The following MBD2 variants were observed in gnomAD, a reference collection of about 807,000 sequenced individuals.
The protein encoded by MBD2 is methyl-CpG binding domain protein 2, also known as methyl-CpG-binding domain protein 2.
MBD2 carries 9 observed loss-of-function variants against 39.3 expected under a neutral mutation model. That is an observed-to-expected ratio of 0.23 (90% CI 0.14 to 0.40). MBD2 has a LOEUF of 0.40. Ranked by LOEUF, MBD2 falls within the 10% of genes least tolerant of loss-of-function variation. The pLI, the probability that MBD2 is intolerant of heterozygous loss-of-function variation, is 1.00. For synonymous variants in MBD2, 233 were observed against 211.1 expected (o/e 1.10, Z -0.90); for missense variants, 458 against 532.6 (o/e 0.86, Z 1.38).
At chr18:54,212,867 A>T (rs1006808363) in intron 1 of MBD2, among the ~76,000 whole-genome samples, 2 of 4,538 alleles carry the variant, frequency 4.4e-4, no homozygotes, top group Non-Finnish European at 6.6e-4. Flanking sequence ...CAGTCTCTAC[A>T]AAAAAAACAC....
At chr18:54,218,567 T>C (rs948467907) in intron 1 of MBD2, among the ~76,000 whole-genome samples, 2 of 152,198 alleles carry the variant, frequency 1.3e-5, no homozygotes, top group Non-Finnish European at 2.9e-5. Flanking sequence ...GGTTGTATCT[T>C]TGCACTTACT....
intron 3 of MBD2, among the ~76,000 whole-genome samples, chr18:54,170,745 T>C (rs584330): frequency 0.84 from 128,203 of 152,152 alleles, 54,524 homozygotes; most frequent in East Asian, 1. Context: ...CAAGGCCGAC[T>C]GCAATAATGA....
Position 54,211,388 on chromosome 18 carries a change from TAC to T in MBD2, c.543-6233_543-6232del, listed in dbSNP as rs113321648. Among the ~76,000 whole-genome samples the T allele has an allele frequency of 7.0e-3, 1,040 of 148,146 alleles. 13 individuals are homozygous for T. The highest frequency in any genetic ancestry group is 0.02 in the African/African-American group (815 of 40,108). The stretch of plus-strand genomic sequence containing the variant: ...ATTAAAAGAATGTATATTATTGCTA[TAC>T]ACACACACACACACACACACACACG... On this transcript the variant is annotated intron_variant, in intron 1 of 6. Transcript: ENST00000256429.
intron 2 of MBD2, among the ~76,000 whole-genome samples, chr18:54,201,593 T>G (rs1019295712): frequency 3.3e-5 from 5 of 152,144 alleles, no homozygotes; most frequent in African/African-American, 1.2e-4. Context: ...CCGGGCACGG[T>G]GGCTCACACC....
chr18:54,158,677 A>G (rs940597480), intron 6 of MBD2, among the ~76,000 whole-genome samples: 1 of 152,170 alleles, frequency 6.6e-6, no homozygotes, highest in Non-Finnish European at 1.5e-5. Context: ...GCTGGAGTGT[A>G]GTGGCACAAT....
At chr18:54,223,995 C>T (rs202031232) in intron 1 of MBD2, 23 bp downstream of exon 1, 4 of 1,571,228 alleles carry the variant, frequency 2.5e-6, no homozygotes, top group Non-Finnish European at 3.5e-6. Context: ...CCCGCCACCC[C>T]CTCCCCGCCC....
Position 54,159,778 on chromosome 18 carries a change from T to C in MBD2, c.1235A>G (p.Ter412=), listed in dbSNP as rs1482467640. 7 of 1,609,584 alleles carry C rather than the reference T, an allele frequency of 4.3e-6. No homozygotes were observed. Among genetic ancestry groups the C allele is most frequent in the Non-Finnish European group, 5.9e-6 (7 of 1,179,958 alleles). ...DIEMDSGDEA[*] is the part of the protein sequence containing the mutation. The stretch of plus-strand genomic sequence containing the variant: ...GTGTCAGTTTACCTGATCATATTCT[T>C]AGGCTTCATCTCCACTGTCCATTTC... The change falls in exon 6 of 7, where the codon TAA becomes TGA. Residue 412 remains the stop codon, a stop_retained_variant. Coordinates refer to ENST00000256429, the MANE Select transcript of MBD2 (RefSeq NM_003927.5).
At chr18:54,193,964 A>T (rs1483083317) in intron 2 of MBD2, among the ~76,000 whole-genome samples, 1 of 152,180 alleles carries the variant, frequency 6.6e-6, no homozygotes, top group South Asian at 2.1e-4. Flanking sequence ...AGGACAACTC[A>T]GTAAAGGTGA....
intron 3 of MBD2, among the ~76,000 whole-genome samples, chr18:54,166,832 C>G (rs9951912): frequency 6.6e-6 from 1 of 152,068 alleles, no homozygotes; most frequent in East Asian, 1.9e-4. Flanking sequence ...CTCCTCGTGC[C>G]CTAGGGGCTA....
At chr18:54,215,700 T>C (rs1315865419) in intron 1 of MBD2, among the ~76,000 whole-genome samples, 1 of 152,016 alleles carries the variant, frequency 6.6e-6, no homozygotes, top group Non-Finnish European at 1.5e-5. Flanking sequence ...TTCACCATGT[T>C]GGTCAGGCTG....
rs930067585 is a variant in MBD2 at position 54,154,634 on chromosome 18, A to G, written c.*690T>C. Reference sequence around the variant, plus strand: ...AAATTACACATGCTAGGTGATATTTAGCAGAAATTCTTAGAAATTCTGGTG... The same window carrying G: ...AAATTACACATGCTAGGTGATATTTGGCAGAAATTCTTAGAAATTCTGGTG... On this transcript the variant is annotated 3_prime_UTR_variant, in exon 7 of 7. Coordinates refer to ENST00000256429, the MANE Select transcript of MBD2 (RefSeq NM_003927.5). 2.6e-5 allele frequency: 4 copies of G among 152,290 alleles called. No homozygotes were observed. The highest frequency in any genetic ancestry group is 2.0e-4 in the Admixed American group (3 of 15,290). 9.4% of individuals were successfully genotyped at this position (152,290 alleles called of 1,614,324 possible).
rs73960909 is a variant in MBD2 at position 54,170,447 on chromosome 18, C to T, written c.841-4281G>A. Among the ~76,000 whole-genome samples the T allele has an allele frequency of 3.8e-3, 584 of 152,218 alleles. 4 individuals are homozygous for T. The highest frequency in any genetic ancestry group is 0.013 in the African/African-American group (554 of 41,522). ...ACTCCTCGCCACCATTCACAGACAC[C>T]GATCCCTATTCTGATGCTCTGGGAA... On this transcript the variant is annotated intron_variant, in intron 3 of 6. Transcript: ENST00000256429.
chr18:54,197,163 CCAAGT>C, intron 2 of MBD2, among the ~76,000 whole-genome samples: 1 of 152,306 alleles, frequency 6.6e-6, no homozygotes, highest in Non-Finnish European at 1.5e-5. Context: ...CCAGCACTGT[CCAAGT>C]CATCATCATC....
chr18:54,164,499 T>C (rs377238213), intron 5 of MBD2, 24 bp downstream of exon 5: 2 of 1,587,458 alleles, frequency 1.3e-6, no homozygotes, highest in African/African-American at 2.7e-5. Context: ...CCCAAGTTTA[T>C]GAAGTCATGT....
chr18:54,193,740 G>A (rs1599094388), intron 2 of MBD2, among the ~76,000 whole-genome samples: 1 of 152,172 alleles, frequency 6.6e-6, no homozygotes, highest in African/African-American at 2.4e-5. Context: ...ATTTTCAAGG[G>A]GCCTGGGCAA....
At chr18:54,191,825 A>G (rs2086321705) in intron 2 of MBD2, among the ~76,000 whole-genome samples, 2 of 151,974 alleles carry the variant, frequency 1.3e-5, no homozygotes, top group South Asian at 2.1e-4. Context: ...TTTTCCCCCA[A>G]TGTCTCTGCT....
At chr18:54,216,456 T>C (rs758229434) in intron 1 of MBD2, among the ~76,000 whole-genome samples, 7 of 152,228 alleles carry the variant, frequency 4.6e-5, no homozygotes, top group Non-Finnish European at 7.3e-5. Context: ...TACCAGGGAC[T>C]ATGCTGGATA....
At chr18:54,166,209 C>T in intron 3 of MBD2, 43 bp from the exon 4 acceptor site, 1 of 1,198,226 alleles carries the variant, frequency 8.3e-7, no homozygotes, top group East Asian at 2.3e-5. Flanking sequence ...ATTTTTGAAA[C>T]AAGAAAGTAG....
chr18:54,181,951 C>T (rs2086254595), intron 3 of MBD2, among the ~76,000 whole-genome samples: 1 of 152,168 alleles, frequency 6.6e-6, no homozygotes. Flanking sequence ...TATTTCTCTG[C>T]TTTTGAAGAC....
Sources: gnomAD v4.1 joint callset for allele counts (sites outside exome capture counted in the v4.1 genomes callset) on GRCh38, gnomAD v4.1.1 for gene constraint, MANE v1.5 for transcripts, NCBI Gene and HGNC (gene_info 2026-07-23, HGNC 2026-07-21) for gene names.